MTRF1: variants seen among roughly 807,000 people sequenced by gnomAD.
The protein encoded by MTRF1 is peptide chain release factor 1, mitochondrial.
MTRF1 carries 51 observed loss-of-function variants against 62.9 expected under a neutral mutation model. The observed-to-expected ratio is 0.81, with a 90% CI of 0.65 to 1.02. MTRF1 has a LOEUF of 1.02. MTRF1 is among the 50% of genes least tolerant of loss of function. The pLI, the probability that MTRF1 is intolerant of heterozygous loss-of-function variation, is 0.00. For synonymous variants in MTRF1, 158 were observed against 181.9 expected (o/e 0.87, Z 1.06); for missense variants, 446 against 530.0 (o/e 0.84, Z 1.56).
chr13:41,223,204 C>A, intron 9 of MTRF1, 52 bp downstream of exon 9: 1 of 1,266,730 alleles, frequency 7.9e-7, no homozygotes, highest in Non-Finnish European at 1.1e-6. Context: ...TAGAATTTGA[C>A]TATATTTTCT....
chr13:41,216,691 T>C lies in MTRF1; in HGVS notation c.*424A>G, dbSNP rs1379623066. The C allele has an allele frequency of 6.6e-6, 1 of 152,646 alleles. No homozygotes were observed. The highest frequency in any genetic ancestry group is 2.4e-5 in the African/African-American group (1 of 41,432). 9.5% of individuals were successfully genotyped at this position (152,646 alleles called of 1,614,324 possible). A position where few individuals can be genotyped will look rare whatever the true frequency, so the allele number is the denominator to read the frequency against. ...AGCATCCACTATAGGCCAAGGTACT[T>C]TGTATTTAAATAAAAGGTTTATAAG... On this transcript the variant is annotated 3_prime_UTR_variant, in exon 10 of 10. Coordinates refer to ENST00000379480, the MANE Select transcript of MTRF1 (RefSeq NM_004294.4).
chr13:41,285,332 A>C, the MTRF1 span, among the ~76,000 whole-genome samples: 2 of 152,160 alleles, frequency 1.3e-5, no homozygotes, highest in Non-Finnish European at 2.9e-5. Context: ...GTTGATCTTC[A>C]CATTTGTCTT....
At chr13:41,243,280 G>A (rs577540167) in intron 5 of MTRF1, among the ~76,000 whole-genome samples, 2 of 151,588 alleles carry the variant, frequency 1.3e-5, no homozygotes, top group African/African-American at 4.8e-5. Context: ...GTGGTGGCAC[G>A]TGTCTGTAGT....
chr13:41,222,665 C>T (rs2033634675), intron 9 of MTRF1, among the ~76,000 whole-genome samples: 1 of 152,200 alleles, frequency 6.6e-6, no homozygotes, highest in Non-Finnish European at 1.5e-5. Flanking sequence ...CAACTTCCAA[C>T]AGTATTTACG....
At chr13:41,287,652 T>C in the MTRF1 span, 1 of 154,070 alleles carries the variant, frequency 6.5e-6, no homozygotes, top group Non-Finnish European at 1.5e-5. Context: ...TAACTAAAAT[T>C]TGGCATTGAG....
the MTRF1 span, among the ~76,000 whole-genome samples, chr13:41,288,599 AG>A: frequency 6.6e-6 from 1 of 152,238 alleles, no homozygotes; most frequent in Non-Finnish European, 1.5e-5. Flanking sequence ...TGAGTGCAAA[AG>A]TAATTGCAGT....
chr13:41,280,503 C>T, the MTRF1 span, among the ~76,000 whole-genome samples: 10 of 152,242 alleles, frequency 6.6e-5, no homozygotes, highest in South Asian at 4.1e-4. Flanking sequence ...GGCTGTGTCA[C>T]GGGCTGTGGT....
At chr13:41,274,673 T>C in the MTRF1 span, among the ~76,000 whole-genome samples, 1 of 149,136 alleles carries the variant, frequency 6.7e-6, no homozygotes, top group African/African-American at 2.5e-5. Context: ...ATAATAAATA[T>C]ATAATAATAA....
chr13:41,302,111 C>G, the MTRF1 span, among the ~76,000 whole-genome samples: 1 of 151,736 alleles, frequency 6.6e-6, no homozygotes, highest in African/African-American at 2.4e-5. Flanking sequence ...ATTGCAATCT[C>G]CCTCTCCTGG....
At chr13:41,268,801 A>G in the MTRF1 span, among the ~76,000 whole-genome samples, 1 of 152,178 alleles carries the variant, frequency 6.6e-6, no homozygotes, top group Non-Finnish European at 1.5e-5. Context: ...CAATCCCTTA[A>G]GAAAATTAAT....
chr13:41,218,995 A>T (rs2032569113), intron 9 of MTRF1, among the ~76,000 whole-genome samples: 1 of 152,226 alleles, frequency 6.6e-6, no homozygotes, highest in Non-Finnish European at 1.5e-5. Context: ...TTGCTTTTAA[A>T]ATCAGTGTGA....
At chr13:41,221,007 T>C (rs1566056600) in intron 9 of MTRF1, among the ~76,000 whole-genome samples, 1 of 152,188 alleles carries the variant, frequency 6.6e-6, no homozygotes, top group South Asian at 2.1e-4. Flanking sequence ...AGTTCTAGAA[T>C]AAGGGAGGAA....
chr13:41,309,823 C>T, the MTRF1 span, among the ~76,000 whole-genome samples: 9 of 152,038 alleles, frequency 5.9e-5, no homozygotes, highest in Admixed American at 3.3e-4. Flanking sequence ...ATGGAGAAAC[C>T]CCGTCTCTAC....
chr13:41,296,200 C>T, the MTRF1 span, among the ~76,000 whole-genome samples: 1 of 152,182 alleles, frequency 6.6e-6, no homozygotes, highest in Non-Finnish European at 1.5e-5. Flanking sequence ...TCTGCCTTGA[C>T]CTCTCAATGT....
intron 7 of MTRF1, among the ~76,000 whole-genome samples, chr13:41,230,679 A>G (rs1362783174): frequency 6.6e-6 from 1 of 151,910 alleles, no homozygotes; most frequent in Non-Finnish European, 1.5e-5. Flanking sequence ...TTCATACAAC[A>G]AACAATACAA....
At chr13:41,286,090 A>AC in the MTRF1 span, among the ~76,000 whole-genome samples, 1,200 of 110,788 alleles carry the variant, frequency 0.011, 8 homozygotes, top group Non-Finnish European at 0.015. Flanking sequence ...AACAACAACA[A>AC]AAAAAAAAAA....
the MTRF1 span, among the ~76,000 whole-genome samples, chr13:41,270,164 A>T: frequency 3.9e-5 from 6 of 152,198 alleles, no homozygotes; most frequent in Non-Finnish European, 7.3e-5. Context: ...ACTTTATAGT[A>T]TTTGGTTAGG....
intron 5 of MTRF1, among the ~76,000 whole-genome samples, chr13:41,246,556 C>T (rs1201207342): frequency 6.6e-6 from 1 of 152,140 alleles, no homozygotes; most frequent in Non-Finnish European, 1.5e-5. Flanking sequence ...GCTGATCTTC[C>T]TCCAGCAATA....
chr13:41,280,365 C>T, the MTRF1 span, among the ~76,000 whole-genome samples: 1 of 152,294 alleles, frequency 6.6e-6, no homozygotes, highest in South Asian at 2.1e-4. Context: ...TAGAGTTGTC[C>T]TGCCTTTCTG....
Sources: gnomAD v4.1 joint callset for allele counts (sites outside exome capture counted in the v4.1 genomes callset) on GRCh38, gnomAD v4.1.1 for gene constraint, MANE v1.5 for transcripts, NCBI Gene and HGNC (gene_info 2026-07-23, HGNC 2026-07-21) for gene names.